Variants in TAS2R1 observed in about 807,000 individuals in gnomAD.
TAS2R1 encodes taste 2 receptor member 1.
For missense variants in TAS2R1, 370 were observed against 353.4 expected (o/e 1.05, Z -0.38); for synonymous variants, 141 against 134.2 (o/e 1.05, Z -0.35).
chr5:9,894,060 T>C, the TAS2R1 span, among the ~76,000 whole-genome samples: 1 of 152,168 alleles, frequency 6.6e-6, no homozygotes, highest in Admixed American at 6.6e-5. Context: ...TAAGTTAAAA[T>C]GAGGTCTTTC....
At chr5:9,650,680 A>G (rs1019585751) in intron 2 of TAS2R1, among the ~76,000 whole-genome samples, 5 of 152,104 alleles carry the variant, frequency 3.3e-5, no homozygotes, top group African/African-American at 7.2e-5. Context: ...ATTTCACTTC[A>G]TCACAAAAGA....
the TAS2R1 span, among the ~76,000 whole-genome samples, chr5:9,901,133 TAGGCA>T: frequency 6.7e-6 from 1 of 148,444 alleles, no homozygotes; most frequent in South Asian, 2.2e-4. Context: ...CAGAGAAGGG[TAGGCA>T]TCTCTCCAGG....
At chr5:9,670,377 T>C (rs1031302440) in intron 1 of TAS2R1, among the ~76,000 whole-genome samples, 6 of 152,114 alleles carry the variant, frequency 3.9e-5, no homozygotes, top group Non-Finnish European at 5.9e-5. Context: ...CACTGAGTTT[T>C]GACCAATCAA....
At chr5:9,827,709 G>A in the TAS2R1 span, among the ~76,000 whole-genome samples, 2 of 152,130 alleles carry the variant, frequency 1.3e-5, no homozygotes, top group African/African-American at 2.4e-5. Flanking sequence ...CTTGAACCTG[G>A]AAGGTTGAGG....
chr5:9,895,389 C>T, the TAS2R1 span, among the ~76,000 whole-genome samples: 2 of 152,186 alleles, frequency 1.3e-5, no homozygotes, highest in African/African-American at 4.8e-5. Context: ...GATGAAGGGA[C>T]CGCCATTGCC....
chr5:9,792,701 T>C, the TAS2R1 span, among the ~76,000 whole-genome samples: 1 of 152,152 alleles, frequency 6.6e-6, no homozygotes, highest in Admixed American at 6.5e-5. Context: ...ATGGCAGCGA[T>C]CATTAATCTC....
chr5:9,824,208 A>G, the TAS2R1 span, among the ~76,000 whole-genome samples: 1 of 152,196 alleles, frequency 6.6e-6, no homozygotes, highest in East Asian at 1.9e-4. Context: ...GGCCACACCT[A>G]TAAAACTGAC....
chr5:9,724,513 A>G, the TAS2R1 span, among the ~76,000 whole-genome samples: 44 of 152,118 alleles, frequency 2.9e-4, no homozygotes, highest in Admixed American at 1.1e-3. Flanking sequence ...CTATCCCACC[A>G]TGTAGGGACT....
Position 9,629,394 on chromosome 5 carries a change from G to T in TAS2R1, c.639C>A (p.Ala213=), listed in dbSNP as rs560509095. The change falls in exon 1 of 1, where the codon GCC becomes GCA. Residue 213 remains alanine, a synonymous_variant. Transcript: ENST00000382492. ...CACCCCTGCCAGGAACCCTGCTGCC[G>T]GCCACTGTGTTTCTCATTTGCCGGG... ...RHTRQMRNTV[A]GSRVPGRGAP... 1.2e-6 allele frequency: 2 copies of T among 1,613,938 alleles called. No individual in the cohort carries two copies. The highest frequency in any genetic ancestry group is 1.3e-5 in the African/African-American group (1 of 74,894).
At chr5:9,788,767 T>C in the TAS2R1 span, among the ~76,000 whole-genome samples, 1 of 152,200 alleles carries the variant, frequency 6.6e-6, no homozygotes, top group Non-Finnish European at 1.5e-5. Flanking sequence ...TGGGGTATTT[T>C]AGAAAAGAAT....
chr5:9,746,080 C>A, the TAS2R1 span, among the ~76,000 whole-genome samples: 26 of 151,818 alleles, frequency 1.7e-4, no homozygotes, highest in Middle Eastern at 3.4e-3. Flanking sequence ...AGAAAAAAAA[C>A]CAACCCCATC....
the TAS2R1 span, among the ~76,000 whole-genome samples, chr5:9,845,385 ATATG>A: frequency 6.6e-6 from 1 of 152,192 alleles, no homozygotes; most frequent in South Asian, 2.1e-4. Context: ...TAGAATCTAG[ATATG>A]TTGCATGCAG....
the TAS2R1 span, among the ~76,000 whole-genome samples, chr5:9,891,123 G>A: frequency 3.3e-5 from 5 of 152,188 alleles, no homozygotes; most frequent in African/African-American, 1.2e-4. Flanking sequence ...CAGTATCAAA[G>A]AAGACTATTC....
At chr5:9,801,736 G>A in the TAS2R1 span, among the ~76,000 whole-genome samples, 6 of 152,156 alleles carry the variant, frequency 3.9e-5, no homozygotes, top group Non-Finnish European at 7.3e-5. Context: ...GCATCAGGAG[G>A]GGGCAAGGCC....
intron 1 of TAS2R1, among the ~76,000 whole-genome samples, chr5:9,693,799 C>T (rs536270538): frequency 1.3e-5 from 2 of 152,206 alleles, no homozygotes; most frequent in South Asian, 4.2e-4. Context: ...TATCACACAG[C>T]TGCAGTTAAC....
At chr5:9,900,377 T>G in the TAS2R1 span, among the ~76,000 whole-genome samples, 1 of 152,228 alleles carries the variant, frequency 6.6e-6, no homozygotes, top group Non-Finnish European at 1.5e-5. Flanking sequence ...ATTTAATATT[T>G]TACCCTATAT....
At chr5:9,848,322 A>G in the TAS2R1 span, among the ~76,000 whole-genome samples, 1 of 152,236 alleles carries the variant, frequency 6.6e-6, no homozygotes, top group African/African-American at 2.4e-5. Flanking sequence ...AAGGTTAATT[A>G]ATCTAGCTCC....
At chr5:9,749,435 T>C in the TAS2R1 span, among the ~76,000 whole-genome samples, 1 of 152,216 alleles carries the variant, frequency 6.6e-6, no homozygotes, top group African/African-American at 2.4e-5. Flanking sequence ...AAAATTTGAA[T>C]TATTGATCAT....
At chr5:9,900,278 T>C in the TAS2R1 span, among the ~76,000 whole-genome samples, 3 of 152,254 alleles carry the variant, frequency 2.0e-5, no homozygotes, top group South Asian at 2.1e-4. Flanking sequence ...AGTTAATTCA[T>C]GACATGTTCT....
Sources: allele counts gnomAD v4.1 joint callset (sites outside exome capture counted in the v4.1 genomes callset), GRCh38; gene constraint gnomAD v4.1.1; transcripts MANE v1.5; gene names NCBI Gene and HGNC (gene_info 2026-07-23, HGNC 2026-07-21).